C12orf42: variants seen among roughly 807,000 people sequenced by gnomAD.
C12orf42 encodes the protein chromosome 12 open reading frame 42.
Under a neutral mutation model 21.6 loss-of-function variants are expected in C12orf42, and 25 were observed. That is an observed-to-expected ratio of 1.16 (90% CI 0.84 to 1.62). C12orf42 has a LOEUF of 1.62. Among genes scored for constraint, C12orf42 ranks in the 40% most tolerant of loss-of-function variants. The pLI is 0.00. For missense variants in C12orf42, 483 were observed against 459.3 expected, an observed-to-expected ratio of 1.05 and a Z score of -0.47; for synonymous variants, 174 against 175.0, an observed-to-expected ratio of 0.99 and a Z score of 0.05.
intron 1 of C12orf42, among the ~76,000 whole-genome samples, chr12:103,489,459 GC>G (rs1198685024): frequency 2.0e-5 from 3 of 152,258 alleles, no homozygotes; most frequent in Non-Finnish European, 4.4e-5. Context: ...CAAACACCGT[GC>G]TGGGAGAACC....
intron 2 of C12orf42, among the ~76,000 whole-genome samples, chr12:103,427,007 C>A (rs1949869564): frequency 6.6e-6 from 1 of 152,068 alleles, no homozygotes; most frequent in East Asian, 1.9e-4. Flanking sequence ...CAAAAACATA[C>A]CAAACTGTAA....
chr12:103,157,128 C>T, the C12orf42 span, among the ~76,000 whole-genome samples: 6 of 152,154 alleles, frequency 3.9e-5, no homozygotes, highest in African/African-American at 9.7e-5. Context: ...ACAGCCTCGC[C>T]CGCATCTATT....
At chr12:103,206,013 T>C in the C12orf42 span, among the ~76,000 whole-genome samples, 2 of 152,254 alleles carry the variant, frequency 1.3e-5, no homozygotes, top group African/African-American at 4.8e-5. Context: ...TATTCTCTGC[T>C]GATGGTTCAC....
At chr12:103,186,578 C>G in the C12orf42 span, among the ~76,000 whole-genome samples, 1 of 152,234 alleles carries the variant, frequency 6.6e-6, no homozygotes, top group South Asian at 2.1e-4. Context: ...CATAAGGACA[C>G]TAGAGACTCT....
At chr12:103,144,535 A>G in the C12orf42 span, among the ~76,000 whole-genome samples, 4 of 152,260 alleles carry the variant, frequency 2.6e-5, no homozygotes, top group African/African-American at 9.6e-5. Flanking sequence ...GCCGTGGGCT[A>G]GGCAAAGTAG....
chr12:103,355,957 T>C (rs971755089), intron 4 of C12orf42, among the ~76,000 whole-genome samples: 2 of 152,056 alleles, frequency 1.3e-5, no homozygotes, highest in Non-Finnish European at 2.9e-5. Flanking sequence ...TATTGTGACA[T>C]TCATCTCTCA....
At chr12:103,464,416 G>GTTT (rs199780501) in intron 2 of C12orf42, among the ~76,000 whole-genome samples, 8,296 of 147,770 alleles carry the variant, frequency 0.056, 270 homozygotes, top group South Asian at 0.16. Flanking sequence ...TTTTAATGGG[G>GTTT]TTTTTTTTTT....
chr12:103,057,372 C>A, the C12orf42 span, among the ~76,000 whole-genome samples: 1 of 152,038 alleles, frequency 6.6e-6, no homozygotes, highest in Non-Finnish European at 1.5e-5. Context: ...TCCCAACAGG[C>A]CCTGGTGTGT....
At chr12:103,413,305 TC>T (rs1462157183) in intron 2 of C12orf42, among the ~76,000 whole-genome samples, 4 of 152,200 alleles carry the variant, frequency 2.6e-5, no homozygotes, top group Admixed American at 6.5e-5. Flanking sequence ...GTTCCATTGG[TC>T]TGTGTGTCCA....
chr12:103,440,780 T>A (rs7298211), intron 2 of C12orf42, among the ~76,000 whole-genome samples: 92,162 of 151,868 alleles, frequency 0.61, 29,372 homozygotes, highest in Admixed American at 0.72. Flanking sequence ...AGAATTACAA[T>A]GTACAGTAGC....
At chr12:103,141,480 A>G in the C12orf42 span, among the ~76,000 whole-genome samples, 1 of 152,176 alleles carries the variant, frequency 6.6e-6, no homozygotes. Flanking sequence ...AAATTCACCA[A>G]AAAGTGAAAT....
At chr12:103,257,581 TATC>T (rs2034675737) in intron 10 of C12orf42, among the ~76,000 whole-genome samples, 2 of 151,492 alleles carry the variant, frequency 1.3e-5, no homozygotes, top group Non-Finnish European at 2.9e-5. Flanking sequence ...TAAAAGAACA[TATC>T]ATTTTGAAAA....
the C12orf42 span, chr12:103,505,441 G>C: frequency 2.7e-6 from 1 of 369,460 alleles, no homozygotes; most frequent in African/African-American, 2.3e-5. Flanking sequence ...AGTAGTTTCA[G>C]TCACAGGAGA....
At chr12:103,561,722 A>G in the C12orf42 span, among the ~76,000 whole-genome samples, 1 of 152,142 alleles carries the variant, frequency 6.6e-6, no homozygotes, top group East Asian at 1.9e-4. Context: ...CTTACCCTTT[A>G]CAAAAATGGA....
At chr12:103,537,798 C>T in the C12orf42 span, among the ~76,000 whole-genome samples, 6 of 152,304 alleles carry the variant, frequency 3.9e-5, no homozygotes, top group South Asian at 1.2e-3. Flanking sequence ...CAGGTCTCCC[C>T]CAACTTAGGC....
At position 103,302,464 on chromosome 12, in the gene C12orf42, C is replaced by T. The variant is rs749924238; in HGVS notation, c.727G>A (p.Glu243Lys). Residue 243 changes from glutamate to lysine, a missense_variant, in exon 6 of 6, where the codon GAG becomes AAG. Coordinates refer to ENST00000548883, the MANE Select transcript of C12orf42 (RefSeq NM_198521.5). ...GGGACTGCCATCCTCTCCTCCGGCT[C>T]GAGCTCTGTGTTACTCGGGCCGGTG... ...QSTGPSNTEL[E>K]PEERMAVPAG... The T allele has an allele frequency of 1.9e-6, 3 of 1,613,762 alleles. No homozygotes were observed. Among genetic ancestry groups the T allele is most frequent in the Admixed American group, 1.7e-5 (1 of 60,018 alleles).
the C12orf42 span, among the ~76,000 whole-genome samples, chr12:103,199,232 A>C: frequency 2.6e-5 from 4 of 152,232 alleles, no homozygotes; most frequent in Non-Finnish European, 4.4e-5. Context: ...TCTTTAATAA[A>C]GTGTTGGAAA....
chr12:103,530,960 C>A, the C12orf42 span, among the ~76,000 whole-genome samples: 1 of 152,096 alleles, frequency 6.6e-6, no homozygotes, highest in South Asian at 2.1e-4. Context: ...AGGCAAGAAG[C>A]GATGCAAACA....
chr12:103,153,893 A>G, the C12orf42 span, among the ~76,000 whole-genome samples: 1 of 152,012 alleles, frequency 6.6e-6, no homozygotes, highest in Non-Finnish European at 1.5e-5. Flanking sequence ...GTAGTCCAAA[A>G]CTATAACTTT....
Sources: gnomAD v4.1 joint callset for allele counts (sites outside exome capture counted in the v4.1 genomes callset) on GRCh38, gnomAD v4.1.1 for gene constraint, MANE v1.5 for transcripts, NCBI Gene and HGNC (gene_info 2026-07-23, HGNC 2026-07-21) for gene names.